The following COL5A2 variants were observed in gnomAD, a reference collection of about 807,000 sequenced individuals.
The protein encoded by COL5A2 is collagen type V alpha 2 chain, also known as collagen alpha-2(V) chain.
Under a neutral mutation model 208.2 loss-of-function variants are expected in COL5A2, and 23 were observed. The observed-to-expected ratio is 0.11, with a 90% CI of 0.08 to 0.16. COL5A2 has a LOEUF of 0.16. COL5A2 is among the 10% of genes least tolerant of loss of function. COL5A2 has a pLI of 1.00. For missense variants in COL5A2, 1,590 were observed against 1,956.4 expected (o/e 0.81, Z 3.53); for synonymous variants, 625 against 628.5 (o/e 0.99, Z 0.08).
chr2:189,265,999 T>C, the COL5A2 span, among the ~76,000 whole-genome samples: 2 of 152,178 alleles, frequency 1.3e-5, no homozygotes, highest in Non-Finnish European at 2.9e-5. Context: ...ACACAAAAGC[T>C]TGTACACCAA....
At chr2:189,322,554 C>T in the COL5A2 span, among the ~76,000 whole-genome samples, 15 of 152,238 alleles carry the variant, frequency 9.9e-5, no homozygotes, top group African/African-American at 1.9e-4. Context: ...AACACCTCTA[C>T]GCAAATAAAC....
At chr2:189,084,987 GC>G (rs1304158910) in intron 11 of COL5A2, among the ~76,000 whole-genome samples, 172 bp downstream of exon 11, 16 of 152,254 alleles carry the variant, frequency 1.1e-4, no homozygotes, top group Admixed American at 5.2e-4. Flanking sequence ...CAAATTAAGA[GC>G]CCTTTTAGAT....
chr2:189,272,443 T>C, the COL5A2 span, among the ~76,000 whole-genome samples: 23 of 151,898 alleles, frequency 1.5e-4, no homozygotes. Flanking sequence ...TTCTTACTCA[T>C]AGGTAGGAGT....
the COL5A2 span, among the ~76,000 whole-genome samples, chr2:189,367,176 T>C: frequency 6.6e-6 from 1 of 152,170 alleles, no homozygotes; most frequent in East Asian, 1.9e-4. Flanking sequence ...CATAACACTT[T>C]ACACAACCCA....
At chr2:189,136,696 T>C (rs1202346607) in intron 1 of COL5A2, among the ~76,000 whole-genome samples, 1 of 151,588 alleles carries the variant, frequency 6.6e-6, no homozygotes, top group African/African-American at 2.4e-5. Flanking sequence ...TACTTTTTAA[T>C]GTTATATTTT....
the COL5A2 span, among the ~76,000 whole-genome samples, chr2:189,427,422 G>T: frequency 6.6e-6 from 1 of 152,146 alleles, no homozygotes; most frequent in African/African-American, 2.4e-5. Context: ...GAGCCCTCAC[G>T]GAGACCCTTT....
At chr2:189,431,937 C>T in the COL5A2 span, among the ~76,000 whole-genome samples, 12 of 152,144 alleles carry the variant, frequency 7.9e-5, no homozygotes, top group Non-Finnish European at 1.6e-4. Context: ...ATGTTAAGTG[C>T]AGTCAGAGAG....
chr2:189,115,137 T>C (rs1687362664), intron 1 of COL5A2, among the ~76,000 whole-genome samples: 2 of 152,170 alleles, frequency 1.3e-5, no homozygotes. Flanking sequence ...CACTGATATA[T>C]TACAGAAAAG....
intron 17 of COL5A2, among the ~76,000 whole-genome samples, chr2:189,073,548 T>G (rs1292740793): frequency 1.3e-5 from 2 of 152,136 alleles, no homozygotes; most frequent in Admixed American, 1.3e-4. Flanking sequence ...TATTTTTAAG[T>G]TTCCAGGTAA....
chr2:189,313,269 A>T, the COL5A2 span, among the ~76,000 whole-genome samples: 1 of 152,206 alleles, frequency 6.6e-6, no homozygotes, highest in South Asian at 2.1e-4. Flanking sequence ...GAAGAATGGA[A>T]TCAATTTGGA....
rs181622463 is a variant in COL5A2 at position 189,197,257 on chromosome 2, G to T, written c.-42+27891C>A. ...TGAGAACACATGGACACAGGGAGGGGAACAACACACACCGGGGCCAGCCAG... is the reference window on the plus strand; with the variant it reads ...TGAGAACACATGGACACAGGGAGGGTAACAACACACACCGGGGCCAGCCAG... On this transcript the variant is annotated intron_variant, in intron 1 of 10. Coordinates refer to the COL5A2 transcript ENST00000649966. 3.1e-3 allele frequency among the ~76,000 whole-genome samples: 472 copies of T among 152,126 alleles called. 6 individuals carry two copies. The highest frequency in any genetic ancestry group is 0.011 in the African/African-American group (445 of 41,494).
chr2:189,382,499 T>C, the COL5A2 span, among the ~76,000 whole-genome samples: 1 of 152,212 alleles, frequency 6.6e-6, no homozygotes, highest in Non-Finnish European at 1.5e-5. Flanking sequence ...GTTAATTCTA[T>C]TTATGGAAGT....
intron 12 of COL5A2, 74 bp from the exon 13 acceptor site, chr2:189,081,117 T>C (rs1475559129): frequency 1.6e-6 from 2 of 1,233,338 alleles, no homozygotes; most frequent in Non-Finnish European, 1.2e-6. Flanking sequence ...TATCATTTTT[T>C]CCCAAAAAAT....
intron 16 of COL5A2, among the ~76,000 whole-genome samples, chr2:189,076,597 A>T (rs1576510803): frequency 6.6e-6 from 1 of 152,186 alleles, no homozygotes; most frequent in East Asian, 1.9e-4. Flanking sequence ...TTTTATTTTA[A>T]TTCTCATCTG....
the COL5A2 span, among the ~76,000 whole-genome samples, chr2:189,396,890 C>A: frequency 6.7e-6 from 1 of 148,814 alleles, no homozygotes; most frequent in African/African-American, 2.5e-5. Context: ...TACTCAGAGG[C>A]TGAGACAGGA....
chr2:189,291,790 A>G, the COL5A2 span, among the ~76,000 whole-genome samples: 2 of 149,810 alleles, frequency 1.3e-5, no homozygotes, highest in Non-Finnish European at 3.0e-5. Flanking sequence ...GTGGAAAATT[A>G]AGCTCTTTGG....
chr2:189,058,977 G>T, intron 31 of COL5A2, 84 bp from the exon 32 acceptor site: 1 of 1,084,112 alleles, frequency 9.2e-7, no homozygotes, highest in South Asian at 1.3e-5. Flanking sequence ...CATACACCTA[G>T]TTTCTATTAA....
the COL5A2 span, among the ~76,000 whole-genome samples, chr2:189,278,426 A>ACT: frequency 6.6e-6 from 1 of 152,128 alleles, no homozygotes; most frequent in African/African-American, 2.4e-5. Flanking sequence ...CAGTCAGTCA[A>ACT]GAAAACGTAT....
chr2:189,066,604 C>G, intron 22 of COL5A2, 107 bp from the exon 23 acceptor site: 1 of 1,351,052 alleles, frequency 7.4e-7, no homozygotes, highest in Admixed American at 1.7e-5. Flanking sequence ...GTATATGGAA[C>G]AATGAGATAT....
Sources: gnomAD v4.1 joint callset for allele counts (sites outside exome capture counted in the v4.1 genomes callset) on GRCh38, gnomAD v4.1.1 for gene constraint, MANE v1.5 for transcripts, NCBI Gene and HGNC (gene_info 2026-07-23, HGNC 2026-07-21) for gene names.